Variants in KIAA1328 observed in about 807,000 individuals in gnomAD.
KIAA1328 encodes the protein protein hinderin.
Under a neutral mutation model 68.1 loss-of-function variants are expected in KIAA1328, and 52 were observed. That is an observed-to-expected ratio of 0.76 (90% CI 0.61 to 0.96). KIAA1328 has a LOEUF of 0.96. Ranked by LOEUF, KIAA1328 falls within the 40% of genes least tolerant of loss-of-function variation. KIAA1328 has a pLI of 0.00. For synonymous variants in KIAA1328, 232 were observed against 239.4 expected (o/e 0.97, Z 0.28); for missense variants, 641 against 677.6 (o/e 0.95, Z 0.60).
intron 9 of KIAA1328, among the ~76,000 whole-genome samples, chr18:37,176,646 A>G (rs1290006491): frequency 2.0e-5 from 3 of 152,210 alleles, no homozygotes; most frequent in African/African-American, 4.8e-5. Flanking sequence ...CCACCTGGAA[A>G]GAGGAGTTGA....
chr18:36,955,586 G>T (rs2051377400), intron 5 of KIAA1328, among the ~76,000 whole-genome samples: 1 of 152,040 alleles, frequency 6.6e-6, no homozygotes, highest in Admixed American at 6.6e-5. Context: ...GGGATTATAG[G>T]CGTGAGCCAC....
At chr18:37,019,092 A>G (rs1458081869) in intron 6 of KIAA1328, among the ~76,000 whole-genome samples, 1 of 151,628 alleles carries the variant, frequency 6.6e-6, no homozygotes, top group Non-Finnish European at 1.5e-5. Flanking sequence ...TGCAGGCAGG[A>G]TATTTTCTTT....
chr18:36,873,252 C>G (rs960929730), intron 4 of KIAA1328, among the ~76,000 whole-genome samples: 4 of 152,166 alleles, frequency 2.6e-5, no homozygotes. Context: ...TGAAAATCTC[C>G]TTAAGTAAAT....
chr18:36,930,439 C>T (rs1346535691), intron 5 of KIAA1328, among the ~76,000 whole-genome samples: 1 of 152,100 alleles, frequency 6.6e-6, no homozygotes, highest in African/African-American at 2.4e-5. Context: ...TTGAGACTTT[C>T]TGTATTCTAA....
intron 6 of KIAA1328, among the ~76,000 whole-genome samples, chr18:37,032,900 C>T (rs1242967141): frequency 1.3e-5 from 2 of 152,158 alleles, no homozygotes; most frequent in Admixed American, 1.3e-4. Context: ...CTCGGCCTCC[C>T]AAAGTGCCGA....
intron 7 of KIAA1328, among the ~76,000 whole-genome samples, chr18:37,120,894 T>C (rs1487373741): frequency 6.6e-6 from 1 of 152,136 alleles, no homozygotes; most frequent in Non-Finnish European, 1.5e-5. Flanking sequence ...ATCTGGAAAG[T>C]ATAAGATTCT....
At chr18:36,997,111 G>GA (rs955525839) in intron 6 of KIAA1328, among the ~76,000 whole-genome samples, 45 of 149,470 alleles carry the variant, frequency 3.0e-4, no homozygotes, top group South Asian at 6.3e-4. Context: ...CCCCACCTGT[G>GA]AAAAAAAAAA....
Position 37,224,169 on chromosome 18 carries a change from C to T in KIAA1328, c.*1942C>T. 1.0e-6 allele frequency: 1 copy of T among 985,380 alleles called. No individual in the cohort carries two copies. The allele number at this position is 985,380 out of a possible 1,614,324, so 61.0% of individuals were successfully genotyped here. A position where few individuals can be genotyped will look rare whatever the true frequency, so the allele number is the denominator to read the frequency against. ...GACTAGCTTAAGTGTACTTGACTCC[C>T]ATAGACTACTCCCATGCCCACAGTC... On this transcript the variant is annotated 3_prime_UTR_variant, in exon 10 of 10. Coordinates refer to ENST00000280020, the MANE Select transcript of KIAA1328 (RefSeq NM_020776.3).
intron 6 of KIAA1328, among the ~76,000 whole-genome samples, chr18:37,054,537 T>C (rs574191787): frequency 1.3e-5 from 2 of 152,318 alleles, no homozygotes; most frequent in East Asian, 3.9e-4. Context: ...CAGAGGCCAT[T>C]ATCCTACGCA....
chr18:36,992,907 T>A (rs769669492), intron 6 of KIAA1328, among the ~76,000 whole-genome samples: 8 of 152,026 alleles, frequency 5.3e-5, no homozygotes, highest in Non-Finnish European at 1.0e-4. Context: ...AACTTGAGAC[T>A]AGCCTGGGCA....
At chr18:37,072,295 G>T (rs927456054) in intron 7 of KIAA1328, among the ~76,000 whole-genome samples, 2 of 121,514 alleles carry the variant, frequency 1.6e-5, no homozygotes, top group Non-Finnish European at 3.3e-5. Context: ...AGTTGACAGG[G>T]TTGCTTTTTT....
At chr18:36,829,279 C>T (rs1364308536) in intron 1 of KIAA1328, 83 bp downstream of exon 1, 2 of 1,440,684 alleles carry the variant, frequency 1.4e-6, no homozygotes, top group African/African-American at 1.5e-5. Flanking sequence ...AGTCCGAGAG[C>T]GGAGGAGAAG....
intron 9 of KIAA1328, among the ~76,000 whole-genome samples, chr18:37,215,500 A>G (rs2060411609): frequency 6.6e-6 from 1 of 152,156 alleles, no homozygotes; most frequent in South Asian, 2.1e-4. Flanking sequence ...GATGAAGCCA[A>G]CTTGATCGTG....
chr18:37,226,774 A>T (rs1236732883), downstream of KIAA1328, among the ~76,000 whole-genome samples: 6 of 134,414 alleles, frequency 4.5e-5, no homozygotes, highest in Admixed American at 7.5e-5. Flanking sequence ...CATGCAAAAC[A>T]TTTTTTTTTT....
intron 5 of KIAA1328, among the ~76,000 whole-genome samples, chr18:36,887,799 T>C (rs151157620): frequency 3.3e-5 from 5 of 152,258 alleles, no homozygotes; most frequent in African/African-American, 1.2e-4. Flanking sequence ...ATTCACTCTT[T>C]GTATGGAGAG....
intron 8 of KIAA1328, among the ~76,000 whole-genome samples, chr18:37,162,885 A>T (rs914659747): frequency 6.6e-5 from 9 of 135,432 alleles, no homozygotes; most frequent in Non-Finnish European, 1.1e-4. Context: ...TAAACATGTT[A>T]AAAAAAAAAA....
chr18:36,950,562 TGGGA>T (rs780830076), intron 5 of KIAA1328, among the ~76,000 whole-genome samples: 3 of 152,166 alleles, frequency 2.0e-5, no homozygotes, highest in Non-Finnish European at 2.9e-5. Context: ...TAACTCTGCC[TGGGA>T]GGTCAGTGAA....
intron 5 of KIAA1328, among the ~76,000 whole-genome samples, chr18:36,893,935 A>G (rs2048785305): frequency 6.6e-6 from 1 of 152,182 alleles, no homozygotes; most frequent in Admixed American, 6.6e-5. Context: ...TAGAAGTATT[A>G]GTGCTTTTAT....
Position 37,160,366 on chromosome 18 carries a change from T to C in KIAA1328, c.1399T>C (p.Cys467Arg), listed in dbSNP as rs766367612. The change falls in exon 8 of 10, where the codon TGT becomes CGT. Residue 467 changes from cysteine to arginine, a missense_variant. By Grantham distance (180) the Cys-to-Arg change is radical (BLOSUM62 -3). Coordinates refer to ENST00000280020, the MANE Select transcript of KIAA1328 (RefSeq NM_020776.3). ...GTGGTCATGTCAAAAGAAAGATACATGTAGACCCCAAAGAGGTAAGTTTAA... is the reference window on the plus strand; with the variant it reads ...GTGGTCATGTCAAAAGAAAGATACACGTAGACCCCAAAGAGGTAAGTTTAA... Reference protein sequence around the residue: ...AQWSCQKKDTCRPQRGTVTGV... With the variant: ...AQWSCQKKDTRRPQRGTVTGV... 1 of 1,613,082 alleles carries C rather than the reference T, an allele frequency of 6.2e-7. No homozygotes were observed. Among genetic ancestry groups the C allele is most frequent in the Non-Finnish European group, 8.5e-7 (1 of 1,179,386 alleles).
Sources: allele counts gnomAD v4.1 joint callset (sites outside exome capture counted in the v4.1 genomes callset), GRCh38; gene constraint gnomAD v4.1.1; transcripts MANE v1.5; gene names NCBI Gene and HGNC (gene_info 2026-07-23, HGNC 2026-07-21).